GRIN2B: variants seen among roughly 807,000 people sequenced by gnomAD.
The protein encoded by GRIN2B is glutamate receptor ionotropic, NMDA 2B.
A neutral mutation model predicts 114.5 loss-of-function variants in GRIN2B; 5 were observed. The ratio of observed to expected loss-of-function variants is 0.04; its 90% CI spans 0.02 to 0.09. The LOEUF (loss-of-function observed/expected upper bound fraction) is 0.09, where lower values mean the gene tolerates loss of function less well. GRIN2B is among the 10% of genes least tolerant of loss of function. GRIN2B has a pLI of 1.00. For missense variants in GRIN2B, 1,108 were observed against 1,943.5 expected, an observed-to-expected ratio of 0.57 and a Z score of 8.08; for synonymous variants, 787 against 745.1, an observed-to-expected ratio of 1.06 and a Z score of -0.92.
chr12:13,733,391 G>A (rs1239022008), intron 4 of GRIN2B, among the ~76,000 whole-genome samples: 3 of 151,802 alleles, frequency 2.0e-5, no homozygotes, highest in African/African-American at 7.3e-5. Context: ...CTGAGAAGAG[G>A]AAAGCAGAAT....
intron 2 of GRIN2B, among the ~76,000 whole-genome samples, chr12:13,968,576 C>A (rs1181879755): frequency 1.3e-5 from 2 of 152,120 alleles, no homozygotes; most frequent in African/African-American, 4.8e-5. Context: ...ACTGAAAGGC[C>A]TTTTTAAAAT....
chr12:13,567,696 A>C (rs1591609562), intron 12 of GRIN2B, among the ~76,000 whole-genome samples: 1 of 152,112 alleles, frequency 6.6e-6, no homozygotes, highest in East Asian at 1.9e-4. Context: ...GGATGGATGA[A>C]TTTTAATTTA....
chr12:13,828,585 A>C (rs1865094496), intron 3 of GRIN2B, among the ~76,000 whole-genome samples: 1 of 152,156 alleles, frequency 6.6e-6, no homozygotes, highest in Non-Finnish European at 1.5e-5. Context: ...TTGCTGGGTT[A>C]CTCCTCATTG....
intron 3 of GRIN2B, among the ~76,000 whole-genome samples, chr12:13,783,384 T>C (rs1346814012): frequency 4.6e-4 from 68 of 148,894 alleles, no homozygotes; most frequent in Non-Finnish European, 3.0e-5. Context: ...GTTACAGACA[T>C]TCTTTGATCT....
chr12:13,606,836 T>C (rs1949256083), intron 10 of GRIN2B, among the ~76,000 whole-genome samples: 1 of 151,872 alleles, frequency 6.6e-6, no homozygotes, highest in Admixed American at 6.6e-5. Context: ...ATGGATGATA[T>C]ATAAATAAAT....
rs937392250 is a variant in GRIN2B at position 13,736,584 on chromosome 12, G to A, written c.1010+16733C>T. On this transcript the variant is annotated intron_variant, in intron 4 of 13. Transcript: ENST00000609686. The stretch of plus-strand genomic sequence containing the variant: ...TCGGTGATATGAAATCCAGAAAAAC[G>A]TCTATTTACTTTCAAATAAAAAAAA... Among the ~76,000 whole-genome samples the A allele has an allele frequency of 6.6e-5, 10 of 152,032 alleles. No homozygotes were observed. In the East Asian group the frequency reaches 7.7e-4, roughly 12 times the overall value.
chr12:13,727,290 T>C (rs1863006774), intron 4 of GRIN2B, among the ~76,000 whole-genome samples: 1 of 152,232 alleles, frequency 6.6e-6, no homozygotes, highest in Non-Finnish European at 1.5e-5. Flanking sequence ...TTTTTGTTGC[T>C]ATACAACACA....
At chr12:13,769,393 A>G (rs1275566586) in intron 3 of GRIN2B, among the ~76,000 whole-genome samples, 2 of 152,154 alleles carry the variant, frequency 1.3e-5, no homozygotes. Context: ...ACGGTTCTCA[A>G]GATGGATGGC....
At chr12:13,600,401 C>G (rs932849994) in intron 10 of GRIN2B, among the ~76,000 whole-genome samples, 2 of 152,130 alleles carry the variant, frequency 1.3e-5, no homozygotes, top group African/African-American at 4.8e-5. Context: ...ACATGGGAAA[C>G]CTGTGTTCCT....
intron 3 of GRIN2B, among the ~76,000 whole-genome samples, chr12:13,849,717 T>C (rs1381693778): frequency 1.3e-5 from 2 of 152,142 alleles, no homozygotes; most frequent in African/African-American, 4.8e-5. Context: ...GTAGGCTGTT[T>C]TCCAAGAGCA....
At chr12:13,959,336 G>C (rs1012871482) in intron 2 of GRIN2B, among the ~76,000 whole-genome samples, 1 of 152,218 alleles carries the variant, frequency 6.6e-6, no homozygotes, top group Non-Finnish European at 1.5e-5. Context: ...GCAGCCGCCA[G>C]GGTGGGGCCC....
At chr12:13,933,876 A>G (rs1210815522) in intron 2 of GRIN2B, among the ~76,000 whole-genome samples, 3 of 152,198 alleles carry the variant, frequency 2.0e-5, no homozygotes, top group Non-Finnish European at 4.4e-5. Context: ...GAAGGTGAGC[A>G]GGGCTAGAAG....
intron 5 of GRIN2B, among the ~76,000 whole-genome samples, chr12:13,658,175 C>G (rs910654021): frequency 2.0e-5 from 3 of 151,504 alleles, no homozygotes; most frequent in Admixed American, 6.6e-5. Flanking sequence ...CCATTGCACT[C>G]CAGCCTGGGC....
intron 2 of GRIN2B, among the ~76,000 whole-genome samples, chr12:13,974,419 T>C (rs577480422): frequency 5.9e-5 from 9 of 152,230 alleles, no homozygotes; most frequent in Non-Finnish European, 1.0e-4. Flanking sequence ...TTCTCTAACC[T>C]TGTCATTTGT....
intron 3 of GRIN2B, among the ~76,000 whole-genome samples, chr12:13,805,734 T>C (rs184188433): frequency 2.0e-5 from 3 of 152,334 alleles, no homozygotes; most frequent in Non-Finnish European, 4.4e-5. Flanking sequence ...ATCATTTTTC[T>C]GTGTGGTGAA....
intron 3 of GRIN2B, among the ~76,000 whole-genome samples, chr12:13,808,609 G>A (rs1288830615): frequency 6.6e-6 from 1 of 151,780 alleles, no homozygotes; most frequent in Non-Finnish European, 1.5e-5. Context: ...TGGGGGAAGG[G>A]GGGAGGGATA....
chr12:13,668,252 G>T (rs775557259), intron 5 of GRIN2B, among the ~76,000 whole-genome samples: 2 of 152,170 alleles, frequency 1.3e-5, no homozygotes, highest in African/African-American at 2.4e-5. Flanking sequence ...GTCAACCAAG[G>T]TTATCTTGTT....
intron 2 of GRIN2B, among the ~76,000 whole-genome samples, chr12:13,916,735 A>ACGTGTGTGTG (rs59238170): frequency 9.8e-6 from 1 of 101,904 alleles, no homozygotes; most frequent in Non-Finnish European, 2.1e-5. Flanking sequence ...ACACACACAC[A>ACGTGTGTGTG]TTTGTGTGTG....
chr12:13,792,035 T>C (rs1460300931), intron 3 of GRIN2B, among the ~76,000 whole-genome samples: 2 of 152,178 alleles, frequency 1.3e-5, no homozygotes, highest in African/African-American at 4.8e-5. Context: ...TTAGCTCCCA[T>C]AGATGGATGA....
Sources: allele counts gnomAD v4.1 joint callset (sites outside exome capture counted in the v4.1 genomes callset), GRCh38; gene constraint gnomAD v4.1.1; transcripts MANE v1.5; gene names NCBI Gene and HGNC (gene_info 2026-07-23, HGNC 2026-07-21).